HMCN2: variants seen among roughly 807,000 people sequenced by gnomAD.
HMCN2 encodes hemicentin 2.
In HMCN2, 325 loss-of-function variants were observed where a neutral mutation model predicts 377.5. The ratio of observed to expected loss-of-function variants is 0.86; its 90% CI spans 0.79 to 0.94. The LOEUF is 0.94. HMCN2 is among the 40% of genes least tolerant of loss of function. The probability of loss-of-function intolerance (pLI) is 0.00; values close to 1 mark genes in which losing one functional copy is unlikely to be tolerated. For missense variants in HMCN2, 4,543 were observed against 4,725.3 expected (o/e 0.96, Z 1.13); for synonymous variants, 2,007 against 2,046.8 (o/e 0.98, Z 0.53).
At position 130,433,543 on chromosome 9, in the gene HMCN2, G is replaced by T. The variant is rs114662142; in HGVS notation, c.15090G>T (p.Ala5030=). 3.8e-3 allele frequency: 5,542 copies of T among 1,468,316 alleles called. 193 individuals carry two copies. In the African/African-American group the frequency reaches 0.07, roughly 19 times the overall value. The allele number at this position is 1,468,316 out of a possible 1,614,324, so 91.0% of individuals were successfully genotyped here. A position where few individuals can be genotyped will look rare whatever the true frequency, so the allele number is the denominator to read the frequency against. ...MLEPDPRSPF[A]LRPLRAGLGA... is the part of the protein sequence containing the mutation. The stretch of plus-strand genomic sequence containing the variant: ...AGCCCGACCCCCGCAGCCCCTTCGC[G>T]CTGCGTCCGCTGCGCGCGGGCCTTG... Residue 5030 remains alanine (A), a synonymous_variant, in exon 98 of 98, where the codon GCG becomes GCT. Transcript: ENST00000683500.
At chr9:130,411,598 CAAAAAA>C (rs35719589) in intron 85 of HMCN2, among the ~76,000 whole-genome samples, 6 of 97,780 alleles carry the variant, frequency 6.1e-5, no homozygotes, top group Non-Finnish European at 9.3e-5. Context: ...GACTCAATCT[CAAAAAA>C]AAAAAAAAAA....
chr9:130,378,360 G>A (rs1018961680), intron 53 of HMCN2, among the ~76,000 whole-genome samples: 2 of 117,110 alleles, frequency 1.7e-5, no homozygotes, highest in African/African-American at 3.4e-5. Flanking sequence ...GAGAGGCTGG[G>A]ATGAGGAGGC....
At chr9:130,315,365 TCCCCC>T (rs1837516502) in intron 15 of HMCN2, among the ~76,000 whole-genome samples, 1 of 13,406 alleles carries the variant, frequency 7.5e-5, no homozygotes, top group African/African-American at 3.7e-4. Context: ...CCCTCTCCCC[TCCCCC>T]TCCCCTCCCT....
chr9:130,269,652 G>A (rs185598720), intron 1 of HMCN2, among the ~76,000 whole-genome samples: 22 of 148,696 alleles, frequency 1.5e-4, no homozygotes, highest in African/African-American at 5.3e-4. Flanking sequence ...GGTTCAATAT[G>A]TCTTTCAAGC....
chr9:130,385,515 G>A (rs1841974017), intron 59 of HMCN2, 45 bp from the exon 60 acceptor site: 11 of 1,248,490 alleles, frequency 8.8e-6, no homozygotes, highest in South Asian at 1.3e-5. Context: ...TGGGGAGGGC[G>A]CAGGGACAGC....
intron 76 of HMCN2, 79 bp downstream of exon 76, chr9:130,399,711 C>A: frequency 9.2e-7 from 1 of 1,085,992 alleles, no homozygotes; most frequent in Non-Finnish European, 1.2e-6. Context: ...TCCCTGCCAG[C>A]AGGGAATTGT....
At chr9:130,337,854 G>A (rs1209937197) in intron 22 of HMCN2, 40 bp from the exon 23 acceptor site, 1 of 151,330 alleles carries the variant, frequency 6.6e-6, no homozygotes, top group Non-Finnish European at 1.5e-5. Flanking sequence ...CATGGGGGTG[G>A]GGTCAGTGGG....
Position 130,360,602 on chromosome 9 carries a change from A to G in HMCN2, c.5948A>G (p.Asn1983Ser). The G allele has an allele frequency of 2.3e-6, 3 of 1,287,428 alleles. No individual in the cohort carries two copies. Among genetic ancestry groups the G allele is most frequent in the African/African-American group, 1.5e-5 (1 of 65,334 alleles). The allele number at this position is 1,287,428 out of a possible 1,614,324, so 79.8% of individuals were successfully genotyped here. A position where few individuals can be genotyped will look rare whatever the true frequency, so the allele number is the denominator to read the frequency against. ...GAGCTGCGGTATGGCCTACGGGTCAATGGTGAGCTTCCCTGGGCCTACAAG... is the reference window on the plus strand; with the variant it reads ...GAGCTGCGGTATGGCCTACGGGTCAGTGGTGAGCTTCCCTGGGCCTACAAG... Reference protein sequence around the residue: ...STELRYGLRVNVPPRITLPPS... With the variant: ...STELRYGLRVSVPPRITLPPS... The change falls in exon 38 of 98, where the codon AAT (asparagine) becomes AGT (serine). Residue 1983 changes from asparagine to serine, a missense_variant and splice_region_variant. Coordinates refer to ENST00000683500, the MANE Select transcript of HMCN2 (RefSeq NM_001291815.2). This position sits in a 1 kb window ranked among gnomAD's most constrained non-coding sequence, Gnocchi z 4.7.
At chr9:130,409,894 G>A (rs746893334) in intron 84 of HMCN2, among the ~76,000 whole-genome samples, 1 of 152,134 alleles carries the variant, frequency 6.6e-6, no homozygotes, top group African/African-American at 2.4e-5. Context: ...TTCTGGGAGT[G>A]GACGTGGCCT....
chr9:130,351,496 G>GTGGGGGA lies in HMCN2; in HGVS notation c.4507_4513dup (p.Glu1505GlyfsTer3). 1 of 1,304,292 alleles carries GTGGGGGA rather than the reference G, an allele frequency of 7.7e-7. No homozygotes were observed. The highest frequency in any genetic ancestry group is 1.0e-6 in the Non-Finnish European group (1 of 988,954). 80.8% of individuals were successfully genotyped at this position (1,304,292 alleles called of 1,614,324 possible). ...GGTTCTCAGGATCACCGGCAGTCACGTGGGGGATGAGGGACGATACCAGTG... is the reference window on the plus strand; with the variant it reads ...GGTTCTCAGGATCACCGGCAGTCACGTGGGGGATGGGGGATGAGGGACGATACCAGTG... On this transcript the variant is annotated frameshift_variant, in exon 30 of 98. Transcript: ENST00000683500. LOFTEE classifies it high-confidence loss of function. The surrounding 1 kb of genome is among the most constrained non-coding windows in gnomAD (Gnocchi z 5.4).
intron 1 of HMCN2, among the ~76,000 whole-genome samples, chr9:130,267,261 A>G (rs1244913172): frequency 1.3e-5 from 2 of 151,744 alleles, no homozygotes; most frequent in Non-Finnish European, 2.9e-5. Context: ...GCGTTTTTTA[A>G]TGGAAAATTT....
In HMCN2 at chr9:130,356,072, T is replaced by C. The variant is rs1247142577; in HGVS notation, c.5256-16T>C. On this transcript the variant is annotated splice_polypyrimidine_tract_variant and intron_variant, in intron 33 of 97. Transcript: ENST00000683500. ...CTGGTCTCAGGTTGACACGCCCCCC[T>C]CCCTACTCACCTTAGGTGGCTGCAG... The C allele has an allele frequency of 8.0e-7, 1 of 1,249,932 alleles. No individual in the cohort carries two copies. The allele number at this position is 1,249,932 out of a possible 1,614,324, so 77.4% of individuals were successfully genotyped here.
At chr9:130,367,169 C>T (rs1002890246) in intron 43 of HMCN2, among the ~76,000 whole-genome samples, 4 of 152,006 alleles carry the variant, frequency 2.6e-5, no homozygotes, top group Admixed American at 1.3e-4. Flanking sequence ...CTGCCATTAC[C>T]GAGATGGGAG....
chr9:130,398,752 G>T, intron 75 of HMCN2, 45 bp downstream of exon 75: 1 of 1,271,862 alleles, frequency 7.9e-7, no homozygotes, highest in Non-Finnish European at 1.0e-6. Context: ...CGCACAGGGC[G>T]GGGAGGCACT....
At chr9:130,272,880 T>G (rs529228725) in intron 1 of HMCN2, among the ~76,000 whole-genome samples, 31 of 152,370 alleles carry the variant, frequency 2.0e-4, no homozygotes, top group African/African-American at 7.0e-4. Flanking sequence ...TTTATTCATA[T>G]TCTTCATTTG....
At position 130,422,563 on chromosome 9, in the gene HMCN2, T is replaced by G; in HGVS notation, c.13232-14T>G. On this transcript the variant is annotated splice_polypyrimidine_tract_variant and intron_variant, in intron 86 of 97. Transcript: ENST00000683500. This position sits in a 1 kb window ranked among gnomAD's most constrained non-coding sequence, Gnocchi z 4.2. ...GATAGTCAGTGGCACTGTCATTCTT[T>G]CCCTTCCTTACAGGGGAGCCCCAGG... 1 of 1,315,546 alleles carries G rather than the reference T, an allele frequency of 7.6e-7. No individual in the cohort carries two copies. The allele number at this position is 1,315,546 out of a possible 1,614,324, so 81.5% of individuals were successfully genotyped here. A position where few individuals can be genotyped will look rare whatever the true frequency, so the allele number is the denominator to read the frequency against.
chr9:130,270,295 G>GT (rs34000960), intron 1 of HMCN2, among the ~76,000 whole-genome samples: 5 of 47,570 alleles, frequency 1.1e-4, no homozygotes, highest in East Asian at 1.6e-3. Context: ...TTGTTTGTTT[G>GT]TTTTTTTTTT....
chr9:130,299,986 T>C (rs899046416), intron 8 of HMCN2, among the ~76,000 whole-genome samples: 2 of 144,180 alleles, frequency 1.4e-5, no homozygotes, highest in Non-Finnish European at 3.0e-5. Context: ...CACCCACCCA[T>C]CTACCCATTC....
intron 62 of HMCN2, 131 bp from the exon 63 acceptor site, chr9:130,390,846 G>C (rs962536354): frequency 2.0e-6 from 1 of 502,398 alleles, no homozygotes; most frequent in Admixed American, 6.4e-5. Context: ...AATGAGGAAG[G>C]CTTCTAAGGA....
Sources: allele counts gnomAD v4.1 joint callset (sites outside exome capture counted in the v4.1 genomes callset), GRCh38; gene constraint gnomAD v4.1.1; non-coding constraint Gnocchi (gnomAD v3.1); transcripts MANE v1.5; gene names NCBI Gene and HGNC (gene_info 2026-07-23, HGNC 2026-07-21).